The following ENOX1 variants were observed in gnomAD, a reference collection of about 807,000 sequenced individuals.
The protein encoded by ENOX1 is candidate growth-related and time keeping constitutive hydroquinone (NADH) oxidase.
Under a neutral mutation model 82.5 loss-of-function variants are expected in ENOX1, and 42 were observed. The ratio of observed to expected loss-of-function variants is 0.51; its 90% confidence interval spans 0.40 to 0.66. The LOEUF is 0.66. Among genes scored for constraint, ENOX1 ranks in the 30% least tolerant of loss-of-function variants. The pLI is 0.00. For synonymous variants in ENOX1, 271 were observed against 282.2 expected (o/e 0.96, Z 0.40); for missense variants, 608 against 811.6 (o/e 0.75, Z 3.05).
At position 43,213,878 on chromosome 13, in the gene ENOX1, T is replaced by G; in HGVS notation, c.*112A>C. The G allele has an allele frequency of 8.2e-7, 1 of 1,218,612 alleles. No individual in the cohort carries two copies. Among genetic ancestry groups the G allele is most frequent in the Non-Finnish European group, 1.1e-6 (1 of 889,840 alleles). 75.5% of individuals were successfully genotyped at this position (1,218,612 alleles called of 1,614,324 possible). ...AGATATAACTAAAGGCAGGCTTCGA[T>G]GGCTCCACAAAGGTTGCGTGCTGGA... On this transcript the variant is annotated 3_prime_UTR_variant, in exon 17 of 17. Coordinates refer to ENST00000690772, the MANE Select transcript of ENOX1 (RefSeq NM_001347969.2).
At chr13:43,610,210 C>T (rs1047760425) in intron 2 of ENOX1, among the ~76,000 whole-genome samples, 1 of 152,140 alleles carries the variant, frequency 6.6e-6, no homozygotes, top group African/African-American at 2.4e-5. Context: ...GTGCTCTTGG[C>T]ATTTATGTAA....
At chr13:43,577,975 G>C (rs2080519009) in intron 2 of ENOX1, among the ~76,000 whole-genome samples, 1 of 130,620 alleles carries the variant, frequency 7.7e-6, no homozygotes. Context: ...GTTCAAAATG[G>C]GAAACTATAT....
chr13:43,525,102 G>A (rs2077931605), intron 2 of ENOX1, among the ~76,000 whole-genome samples: 1 of 151,878 alleles, frequency 6.6e-6, no homozygotes, highest in African/African-American at 2.4e-5. Context: ...TTTAAATTGT[G>A]GTAAAACACA....
intron 2 of ENOX1, among the ~76,000 whole-genome samples, chr13:43,566,931 ATTC>A (rs1195611334): frequency 6.6e-5 from 10 of 152,112 alleles, no homozygotes; most frequent in African/African-American, 1.9e-4. Flanking sequence ...AGCCCCATCA[ATTC>A]TTCTTTTTTC....
intron 3 of ENOX1, among the ~76,000 whole-genome samples, chr13:43,458,225 TC>T: frequency 6.6e-6 from 1 of 152,122 alleles, no homozygotes; most frequent in Non-Finnish European, 1.5e-5. Context: ...TTATTTTAAA[TC>T]CCCTGTCTTC....
chr13:43,320,529 A>G (rs1467277407), intron 11 of ENOX1, among the ~76,000 whole-genome samples: 1 of 152,208 alleles, frequency 6.6e-6, no homozygotes, highest in African/African-American at 2.4e-5. Flanking sequence ...ATAAGCATGT[A>G]CGTGCCGCAA....
intron 3 of ENOX1, among the ~76,000 whole-genome samples, chr13:43,425,068 G>A (rs549997497): frequency 2.6e-5 from 4 of 152,180 alleles, no homozygotes; most frequent in Non-Finnish European, 5.9e-5. Flanking sequence ...AGGCTCCTGA[G>A]GCTAGAGGCA....
chr13:43,424,648 A>T (rs1452927363), intron 3 of ENOX1, among the ~76,000 whole-genome samples: 1 of 152,234 alleles, frequency 6.6e-6, no homozygotes, highest in Non-Finnish European at 1.5e-5. Flanking sequence ...AGGGAGCGTT[A>T]GCAGAACACA....
chr13:43,748,935 A>G (rs1950168115), intron 1 of ENOX1, among the ~76,000 whole-genome samples: 1 of 152,176 alleles, frequency 6.6e-6, no homozygotes, highest in Admixed American at 6.5e-5. Context: ...TACCACTTAC[A>G]AGCTGTGTGC....
At chr13:43,755,256 T>A (rs1053996825) in intron 1 of ENOX1, among the ~76,000 whole-genome samples, 1 of 152,128 alleles carries the variant, frequency 6.6e-6, no homozygotes, top group Non-Finnish European at 1.5e-5. Flanking sequence ...GTCAGAACCA[T>A]CATCTTTGAG....
At chr13:43,299,986 C>T (rs920996365) in intron 11 of ENOX1, among the ~76,000 whole-genome samples, 1 of 152,112 alleles carries the variant, frequency 6.6e-6, no homozygotes, top group Non-Finnish European at 1.5e-5. Context: ...TGAATTCTCT[C>T]CTCAAATATC....
At chr13:43,772,100 T>C (rs919066588) in intron 1 of ENOX1, among the ~76,000 whole-genome samples, 1 of 152,104 alleles carries the variant, frequency 6.6e-6, no homozygotes. Context: ...AGGAATCTTA[T>C]AAAGTAACTG....
intron 2 of ENOX1, among the ~76,000 whole-genome samples, chr13:43,623,334 G>A (rs543259846): frequency 6.6e-6 from 1 of 152,132 alleles, no homozygotes; most frequent in East Asian, 1.9e-4. Flanking sequence ...CTCCCTGTGT[G>A]GTTTTACCCC....
rs118034254 is a variant in ENOX1 at position 43,710,816 on chromosome 13, C to T, written c.-284-43272G>A. Among the ~76,000 whole-genome samples, 265 of 150,372 alleles carry T rather than the reference C, an allele frequency of 1.8e-3. 1 individual carries two copies. The highest frequency in any genetic ancestry group is 0.014 in the East Asian group (73 of 5,144). On this transcript the variant is annotated intron_variant, in intron 1 of 16. Transcript: ENST00000690772. ...CATCTACAAAATTGCTCTACAGAAA[C>T]AATAATCAAGTAGAAAAATAGAAAA... is the stretch of plus-strand genomic sequence containing the variant.
At chr13:43,414,717 G>A (rs918721432) in intron 3 of ENOX1, among the ~76,000 whole-genome samples, 15 of 152,118 alleles carry the variant, frequency 9.9e-5, no homozygotes, top group Admixed American at 6.5e-4. Context: ...TCTTTGCAAC[G>A]TCACTATTTG....
chr13:43,674,006 G>A (rs1345937918), intron 1 of ENOX1, among the ~76,000 whole-genome samples: 1 of 152,158 alleles, frequency 6.6e-6, no homozygotes, highest in African/African-American at 2.4e-5. Flanking sequence ...CAGAGCTTCA[G>A]AAGTCAAAGG....
chr13:43,541,199 G>GTTTTTTTTTTTT (rs2078709402), intron 2 of ENOX1, among the ~76,000 whole-genome samples: 1 of 21,668 alleles, frequency 4.6e-5, no homozygotes, highest in Non-Finnish European at 1.2e-4. Context: ...TTTTTTTTTT[G>GTTTTTTTTTTTT]CTAAAAATGA....
chr13:43,254,994 T>TA (rs933542115), intron 14 of ENOX1, among the ~76,000 whole-genome samples: 2 of 151,970 alleles, frequency 1.3e-5, no homozygotes, highest in East Asian at 3.9e-4. Flanking sequence ...TTGAAACTAT[T>TA]AAAAAAACCA....
intron 5 of ENOX1, among the ~76,000 whole-genome samples, chr13:43,374,143 G>A (rs752161370): frequency 1.3e-4 from 16 of 127,728 alleles, no homozygotes; most frequent in Non-Finnish European, 1.9e-4. Context: ...CCTTTCTTTC[G>A]CAGAGACTAT....
Sources: gnomAD v4.1 joint callset for allele counts (sites outside exome capture counted in the v4.1 genomes callset) on GRCh38, gnomAD v4.1.1 for gene constraint, MANE v1.5 for transcripts, NCBI Gene and HGNC (gene_info 2026-07-23, HGNC 2026-07-21) for gene names.